The following BIRC6 variants were observed in gnomAD, a reference collection of about 807,000 sequenced individuals.
The protein encoded by BIRC6 is dual E2 ubiquitin-conjugating enzyme/E3 ubiquitin-protein ligase BIRC6.
BIRC6 carries 98 observed loss-of-function variants against 503.3 expected under a neutral mutation model. That is an observed-to-expected ratio of 0.19 (90% CI 0.17 to 0.23). The LOEUF (loss-of-function observed/expected upper bound fraction) is 0.23. BIRC6 is among the 10% of genes least tolerant of loss of function. The pLI is 1.00. For missense variants in BIRC6, 5,360 were observed against 5,806.0 expected (o/e 0.92, Z 2.50); for synonymous variants, 2,240 against 2,078.7 (o/e 1.08, Z -2.11).
chr2:32,563,141 A>G lies in BIRC6; in HGVS notation c.13145-12015A>G, dbSNP rs569323753. ...ACTTGCTGGGGTTTTGGTTGGAACAATGTGTCCTCTGTTCTGTTTCTCTTT... is the reference window on the plus strand; with the variant it reads ...ACTTGCTGGGGTTTTGGTTGGAACAGTGTGTCCTCTGTTCTGTTTCTCTTT... On this transcript the variant is annotated intron_variant, in intron 65 of 73. Transcript: ENST00000421745. 6.6e-5 allele frequency among the ~76,000 whole-genome samples: 10 copies of G among 152,340 alleles called. No individual in the cohort carries two copies. The South Asian group carries it at 1.0e-3, about 16-fold the overall frequency.
intron 10 of BIRC6, among the ~76,000 whole-genome samples, chr2:32,420,520 T>C (rs1300389857): frequency 2.0e-5 from 3 of 152,274 alleles, no homozygotes; most frequent in East Asian, 1.9e-4. Flanking sequence ...TTATTTACTT[T>C]TTATTTTTTT....
At chr2:32,447,343 C>T (rs1254245668) in intron 21 of BIRC6, among the ~76,000 whole-genome samples, 5 of 150,428 alleles carry the variant, frequency 3.3e-5, no homozygotes, top group Non-Finnish European at 3.0e-5. Context: ...GCAGAAGCGC[C>T]CCTCACCTCC....
At chr2:32,452,651 C>T (rs2046847379) in intron 22 of BIRC6, among the ~76,000 whole-genome samples, 1 of 152,070 alleles carries the variant, frequency 6.6e-6, no homozygotes, top group Non-Finnish European at 1.5e-5. Flanking sequence ...TCCTATGAAT[C>T]CCCTCATTTT....
intron 66 of BIRC6, among the ~76,000 whole-genome samples, chr2:32,579,223 A>G (rs1439665424): frequency 1.3e-5 from 2 of 151,788 alleles, no homozygotes; most frequent in African/African-American, 2.4e-5. Context: ...GAGAAATTAA[A>G]GAAAAAGGTC....
chr2:32,392,808 ATTT>A (rs564215951), intron 5 of BIRC6, among the ~76,000 whole-genome samples: 1 of 139,932 alleles, frequency 7.1e-6, no homozygotes. Flanking sequence ...CACCAACCTA[ATTT>A]TTTTTTTTTT....
At chr2:32,611,787 A>T (rs2062891849) in intron 73 of BIRC6, among the ~76,000 whole-genome samples, 1 of 152,222 alleles carries the variant, frequency 6.6e-6, no homozygotes, top group African/African-American at 2.4e-5. Flanking sequence ...CCTAAAATAA[A>T]AAGTGGGTCC....
In BIRC6 at chr2:32,415,535, A is replaced by G. The variant is rs1481111410; in HGVS notation, c.2244A>G (p.Gly748=). ...CTGACGGAATTCATTTGTTGGTAGGACTGCGGACATGCCCTGTTGAATCCT... is the reference window on the plus strand; with the variant it reads ...CTGACGGAATTCATTTGTTGGTAGGGCTGCGGACATGCCCTGTTGAATCCT... ...PCADGIHLLV[G]LRTCPVESLS... is the part of the protein sequence containing the mutation. The change falls in exon 10 of 74, where the codon GGA becomes GGG. Residue 748 remains glycine, a synonymous_variant. Transcript: ENST00000421745. 1 of 1,613,924 alleles carries G rather than the reference A, an allele frequency of 6.2e-7. No individual in the cohort carries two copies. Among genetic ancestry groups the G allele is most frequent in the African/African-American group, 1.3e-5 (1 of 74,946 alleles).
chr2:32,511,624 C>T (rs912678588), intron 53 of BIRC6, among the ~76,000 whole-genome samples: 1 of 151,594 alleles, frequency 6.6e-6, no homozygotes, highest in Admixed American at 6.6e-5. Context: ...GCCACCGCAC[C>T]CGGCCAACTT....
chr2:32,571,017 AC>A (rs1255303954), intron 65 of BIRC6, among the ~76,000 whole-genome samples: 1 of 150,394 alleles, frequency 6.6e-6, no homozygotes, highest in East Asian at 2.0e-4. Flanking sequence ...TGCTCTTTTG[AC>A]CTTGCTTGTC....
chr2:32,517,345 A>C (rs530117222), intron 55 of BIRC6, among the ~76,000 whole-genome samples: 47 of 152,340 alleles, frequency 3.1e-4, no homozygotes, highest in African/African-American at 1.1e-3. Context: ...CTGTCTCAAC[A>C]AAAACCTAAA....
At chr2:32,562,051 T>A (rs1573023122) in intron 65 of BIRC6, among the ~76,000 whole-genome samples, 1 of 152,038 alleles carries the variant, frequency 6.6e-6, no homozygotes, top group African/African-American at 2.4e-5. Flanking sequence ...TAAAAAAAAA[T>A]AAAATTATTA....
At chr2:32,598,271 A>G in intron 69 of BIRC6, among the ~76,000 whole-genome samples, 1 of 151,732 alleles carries the variant, frequency 6.6e-6, no homozygotes, top group East Asian at 1.9e-4. Context: ...CTGCTGTTGA[A>G]AAAAACATTT....
At chr2:32,365,740 A>G (rs556930403) in intron 1 of BIRC6, among the ~76,000 whole-genome samples, 7 of 152,310 alleles carry the variant, frequency 4.6e-5, no homozygotes, top group African/African-American at 1.7e-4. Flanking sequence ...TTAAAGTACA[A>G]GAACTCCCAG....
chr2:32,532,412 T>C (rs568628019), intron 61 of BIRC6, among the ~76,000 whole-genome samples: 17 of 152,238 alleles, frequency 1.1e-4, no homozygotes, highest in Admixed American at 8.5e-4. Flanking sequence ...GTTCATTGGT[T>C]TGTAGCTGAA....
intron 51 of BIRC6, 139 bp downstream of exon 51, chr2:32,508,398 C>T (rs2054035842): frequency 3.5e-6 from 4 of 1,152,208 alleles, no homozygotes; most frequent in Middle Eastern, 3.0e-4. Flanking sequence ...CTGTATAATA[C>T]AATTTTATTA....
intron 66 of BIRC6, among the ~76,000 whole-genome samples, chr2:32,592,117 T>G (rs1358933006): frequency 6.6e-6 from 1 of 152,208 alleles, no homozygotes; most frequent in Non-Finnish European, 1.5e-5. Context: ...ACGTACACTA[T>G]ACTCTCCTTA....
intron 71 of BIRC6, 62 bp from the exon 72 acceptor site, chr2:32,607,393 G>T: frequency 8.6e-7 from 1 of 1,161,610 alleles, no homozygotes; most frequent in South Asian, 2.3e-5. Flanking sequence ...GATAAAGCAG[G>T]ATATCAGTTA....
chr2:32,489,872 C>T (rs1330535452), intron 42 of BIRC6, among the ~76,000 whole-genome samples, 169 bp from the exon 43 acceptor site: 1 of 152,050 alleles, frequency 6.6e-6, no homozygotes, highest in Non-Finnish European at 1.5e-5. Flanking sequence ...ATTCTTAATG[C>T]GTTAGTTGTA....
chr2:32,578,053 G>A (rs1159882962), intron 66 of BIRC6, among the ~76,000 whole-genome samples: 1 of 152,060 alleles, frequency 6.6e-6, no homozygotes, highest in Non-Finnish European at 1.5e-5. Context: ...ATTAAGACTT[G>A]AATATACTTT....
Sources: gnomAD v4.1 joint callset for allele counts (sites outside exome capture counted in the v4.1 genomes callset) on GRCh38, gnomAD v4.1.1 for gene constraint, MANE v1.5 for transcripts, NCBI Gene and HGNC (gene_info 2026-07-23, HGNC 2026-07-21) for gene names.